The following ROBO1 variants were observed in gnomAD, a reference collection of about 807,000 sequenced individuals.
ROBO1 encodes the protein roundabout guidance receptor 1.
A neutral mutation model predicts 195.9 loss-of-function variants in ROBO1; 149 were observed. The ratio of observed to expected loss-of-function variants is 0.76; its 90% CI spans 0.67 to 0.87. The LOEUF (loss-of-function observed/expected upper bound fraction) is 0.87, where lower values mean the gene tolerates loss of function less well. Ranked by LOEUF, ROBO1 falls within the 40% of genes least tolerant of loss-of-function variation. The probability of loss-of-function intolerance (pLI) is 0.00; values close to 1 mark genes in which losing one functional copy is unlikely to be tolerated. For missense variants in ROBO1, 1,933 were observed against 2,068.3 expected, an observed-to-expected ratio of 0.93 and a Z score of 1.27; for synonymous variants, 816 against 733.2, an observed-to-expected ratio of 1.11 and a Z score of -1.82.
chr3:79,393,540 C>T (rs547952656), intron 2 of ROBO1, among the ~76,000 whole-genome samples: 4 of 152,126 alleles, frequency 2.6e-5, no homozygotes, highest in Admixed American at 6.5e-5. Flanking sequence ...ATTCCACATC[C>T]TGGAATCTTC....
chr3:79,690,254 T>C (rs1947260659), intron 1 of ROBO1, among the ~76,000 whole-genome samples: 2 of 151,812 alleles, frequency 1.3e-5, no homozygotes. Flanking sequence ...AGATGTGTGG[T>C]TTTCCTGGAT....
At chr3:79,302,644 G>T (rs867442118) in intron 2 of ROBO1, among the ~76,000 whole-genome samples, 1 of 151,974 alleles carries the variant, frequency 6.6e-6, no homozygotes, top group Non-Finnish European at 1.5e-5. Flanking sequence ...CTAAAAAATC[G>T]TTGTTTTAAA....
At chr3:79,275,032 C>T (rs771703468) in intron 2 of ROBO1, among the ~76,000 whole-genome samples, 10 of 151,912 alleles carry the variant, frequency 6.6e-5, no homozygotes, top group African/African-American at 9.7e-5. Flanking sequence ...CCAGTAGATA[C>T]GCTGCTGTAT....
chr3:79,520,850 A>C (rs902601995), intron 2 of ROBO1, among the ~76,000 whole-genome samples: 32 of 152,168 alleles, frequency 2.1e-4, no homozygotes, highest in African/African-American at 4.6e-4. Context: ...AAAAAAAAAA[A>C]CACTTTTATT....
chr3:78,793,337 G>T (rs2084082856), intron 4 of ROBO1, among the ~76,000 whole-genome samples: 1 of 152,106 alleles, frequency 6.6e-6, no homozygotes. Flanking sequence ...TTAAAAGATA[G>T]CGATATCTGT....
intron 4 of ROBO1, among the ~76,000 whole-genome samples, chr3:78,754,894 A>AT (rs2082889677): frequency 6.6e-6 from 1 of 152,126 alleles, no homozygotes. Flanking sequence ...CGGGAAGTGC[A>AT]TTGCAGGCAC....
intron 10 of ROBO1, among the ~76,000 whole-genome samples, chr3:78,680,029 A>C (rs934225681): frequency 5.9e-5 from 9 of 152,190 alleles, no homozygotes; most frequent in Non-Finnish European, 1.2e-4. Flanking sequence ...ATAACGCCGC[A>C]TATCTACAAC....
chr3:78,889,671 A>G (rs2170238), intron 4 of ROBO1, among the ~76,000 whole-genome samples: 1 of 151,122 alleles, frequency 6.6e-6, no homozygotes, highest in Non-Finnish European at 1.5e-5. Context: ...TAACAGCACA[A>G]GCCTCATTTG....
chr3:78,848,810 T>C (rs1467234311), intron 4 of ROBO1, among the ~76,000 whole-genome samples: 1 of 152,164 alleles, frequency 6.6e-6, no homozygotes, highest in Non-Finnish European at 1.5e-5. Flanking sequence ...ACCTACATTG[T>C]AGAAGCATCA....
At chr3:78,719,219 T>C (rs1022606281) in intron 5 of ROBO1, among the ~76,000 whole-genome samples, 1 of 152,150 alleles carries the variant, frequency 6.6e-6, no homozygotes. Context: ...ATAACCAGAA[T>C]GACGCCTGCA....
chr3:79,644,852 C>T (rs528934211), intron 1 of ROBO1, among the ~76,000 whole-genome samples: 1 of 152,046 alleles, frequency 6.6e-6, no homozygotes, highest in African/African-American at 2.4e-5. Flanking sequence ...GTAGAAATCA[C>T]ATCAAGTTTC....
At chr3:78,646,045 C>A (rs1332962047) in intron 21 of ROBO1, 103 bp downstream of exon 21, 1 of 1,022,176 alleles carries the variant, frequency 9.8e-7, no homozygotes, top group Non-Finnish European at 1.5e-6. Context: ...ATAAATTCCA[C>A]CTTTAAGTTA....
intron 3 of ROBO1, among the ~76,000 whole-genome samples, chr3:79,027,836 C>T (rs1386722520): frequency 6.6e-6 from 1 of 151,902 alleles, no homozygotes; most frequent in African/African-American, 2.4e-5. Context: ...CTTGTAACAC[C>T]ATATCTTGTT....
At chr3:78,947,940 C>A (rs1284391746) in intron 3 of ROBO1, among the ~76,000 whole-genome samples, 1 of 152,086 alleles carries the variant, frequency 6.6e-6, no homozygotes, top group Non-Finnish European at 1.5e-5. Context: ...GGATAAATTC[C>A]TCAACACATA....
intron 2 of ROBO1, among the ~76,000 whole-genome samples, chr3:79,462,702 T>C (rs1186926971): frequency 6.6e-6 from 1 of 152,206 alleles, no homozygotes; most frequent in African/African-American, 2.4e-5. Flanking sequence ...GACATAACTT[T>C]GAAGTTTGCT....
chr3:79,696,636 T>G (rs1399666525), intron 1 of ROBO1, among the ~76,000 whole-genome samples: 1 of 151,288 alleles, frequency 6.6e-6, no homozygotes, highest in Admixed American at 6.6e-5. Flanking sequence ...TCTGAAATAC[T>G]TTTAACTAAA....
At chr3:78,697,025 GTC>G (rs1464660533) in intron 8 of ROBO1, among the ~76,000 whole-genome samples, 2 of 136,374 alleles carry the variant, frequency 1.5e-5, no homozygotes, top group South Asian at 2.4e-4. Context: ...GAACCCCCCT[GTC>G]TCTCTCTGTC....
chr3:79,275,383 A>G (rs187583096), intron 2 of ROBO1, among the ~76,000 whole-genome samples: 1 of 152,134 alleles, frequency 6.6e-6, no homozygotes, highest in African/African-American at 2.4e-5. Context: ...TAAAAATCAT[A>G]TAACCATTTC....
chr3:79,501,599 T>C (rs1475172783), intron 2 of ROBO1, among the ~76,000 whole-genome samples: 1 of 152,222 alleles, frequency 6.6e-6, no homozygotes, highest in Non-Finnish European at 1.5e-5. Context: ...TCCCTAGCTA[T>C]CAAAGCTTTT....
Sources: allele counts gnomAD v4.1 joint callset (sites outside exome capture counted in the v4.1 genomes callset), GRCh38; gene constraint gnomAD v4.1.1; transcripts MANE v1.5; gene names NCBI Gene and HGNC (gene_info 2026-07-23, HGNC 2026-07-21).